Variants in CNNM2 observed in about 807,000 individuals in gnomAD.
CNNM2 encodes the protein cyclin and CBS domain divalent metal cation transport mediator 2.
A neutral mutation model predicts 66.9 loss-of-function variants in CNNM2; 12 were observed. The observed-to-expected ratio is 0.18, with a 90% confidence interval of 0.11 to 0.29. The LOEUF (loss-of-function observed/expected upper bound fraction) is 0.29, where lower values mean the gene tolerates loss of function less well. Among genes scored for constraint, CNNM2 ranks in the 10% least tolerant of loss-of-function variants. The pLI is 1.00. For synonymous variants in CNNM2, 557 were observed against 501.8 expected, an observed-to-expected ratio of 1.11 and a Z score of -1.47; for missense variants, 705 against 1,167.7, an observed-to-expected ratio of 0.60 and a Z score of 5.77.
intron 4 of CNNM2, 132 bp downstream of exon 4, chr10:103,057,096 T>C: frequency 1.2e-6 from 1 of 805,410 alleles, no homozygotes; most frequent in Non-Finnish European, 2.0e-6. Context: ...GGGAGAATTT[T>C]ATCTTCCTGT....
chr10:102,956,535 G>A (rs1314630985), intron 1 of CNNM2, among the ~76,000 whole-genome samples: 3 of 152,110 alleles, frequency 2.0e-5, no homozygotes, highest in African/African-American at 7.2e-5. Flanking sequence ...GTTTATTGTG[G>A]CACTATTCAC....
intron 3 of CNNM2, among the ~76,000 whole-genome samples, chr10:103,056,044 C>T (rs1414934863): frequency 1.3e-5 from 2 of 150,660 alleles, no homozygotes; most frequent in Non-Finnish European, 2.9e-5. Flanking sequence ...GCCGAGATTG[C>T]GTCACTGCAC....
chr10:102,952,456 C>G (rs1164556766), intron 1 of CNNM2, among the ~76,000 whole-genome samples: 1 of 151,698 alleles, frequency 6.6e-6, no homozygotes, highest in Non-Finnish European at 1.5e-5. Context: ...CCCAGCTACT[C>G]GGGAAGCTGA....
intron 1 of CNNM2, among the ~76,000 whole-genome samples, chr10:102,920,839 G>A (rs527788652): frequency 1.3e-5 from 2 of 152,290 alleles, no homozygotes; most frequent in African/African-American, 2.4e-5. Flanking sequence ...TGTATGTCCC[G>A]TAGCCTTCTT....
chr10:103,023,632 A>T (rs1458594573), intron 1 of CNNM2, among the ~76,000 whole-genome samples: 1 of 152,076 alleles, frequency 6.6e-6, no homozygotes, highest in Non-Finnish European at 1.5e-5. Context: ...CACCCCCATG[A>T]TCCAGTACCT....
intron 1 of CNNM2, among the ~76,000 whole-genome samples, chr10:102,945,369 T>G (rs1349752634): frequency 6.6e-6 from 1 of 152,194 alleles, no homozygotes; most frequent in Non-Finnish European, 1.5e-5. Flanking sequence ...TAGTGCTATT[T>G]CCAGCTGCCT....
At chr10:102,947,828 A>C (rs1846674206) in intron 1 of CNNM2, among the ~76,000 whole-genome samples, 3 of 152,038 alleles carry the variant, frequency 2.0e-5, no homozygotes, top group African/African-American at 7.2e-5. Flanking sequence ...AAGGCGGGCA[A>C]ATCACGAGGT....
chr10:102,955,562 G>T (rs971869962), intron 1 of CNNM2, among the ~76,000 whole-genome samples: 1 of 152,186 alleles, frequency 6.6e-6, no homozygotes, highest in African/African-American at 2.4e-5. Context: ...CACAGCCAAA[G>T]AAACTACCAT....
chr10:102,927,605 A>ATACAGAAAAATT, intron 1 of CNNM2: 2 of 690,350 alleles, frequency 2.9e-6, no homozygotes, highest in South Asian at 4.4e-5. Flanking sequence ...TCTAATAAAA[A>ATACAGAAAAATT]TACAGAAAAA....
chr10:103,018,985 C>T (rs989911253), intron 1 of CNNM2, among the ~76,000 whole-genome samples: 10 of 146,842 alleles, frequency 6.8e-5, no homozygotes, highest in African/African-American at 9.9e-5. Flanking sequence ...AGGATATTTA[C>T]GGCCGGGTGC....
intron 1 of CNNM2, among the ~76,000 whole-genome samples, chr10:102,972,433 A>C (rs866565247): frequency 2.2e-4 from 34 of 152,196 alleles, no homozygotes; most frequent in Non-Finnish European, 2.8e-4. Context: ...TCAGGAGATC[A>C]AGACCATCCT....
chr10:102,933,923 C>T (rs1846143080), intron 1 of CNNM2, among the ~76,000 whole-genome samples: 1 of 152,124 alleles, frequency 6.6e-6, no homozygotes, highest in South Asian at 2.1e-4. Context: ...CAGCCTCAAA[C>T]CCTGGGCACA....
chr10:103,028,704 A>AG (rs1396330730), intron 1 of CNNM2, among the ~76,000 whole-genome samples: 3 of 152,084 alleles, frequency 2.0e-5, no homozygotes, highest in Non-Finnish European at 4.4e-5. Flanking sequence ...ATTGTGTCCC[A>AG]GGAAAAAAAA....
intron 2 of CNNM2, among the ~76,000 whole-genome samples, chr10:103,050,769 A>AG (rs1393756312): frequency 3.9e-5 from 6 of 151,960 alleles, no homozygotes; most frequent in Non-Finnish European, 7.4e-5. Flanking sequence ...GAAAGTGGGG[A>AG]GTGGCTTGGA....
At chr10:102,942,882 G>A (rs1317015824) in intron 1 of CNNM2, among the ~76,000 whole-genome samples, 1 of 152,146 alleles carries the variant, frequency 6.6e-6, no homozygotes, top group Admixed American at 6.6e-5. Flanking sequence ...ATTATTTTAA[G>A]TGAAAAGAGC....
intron 1 of CNNM2, among the ~76,000 whole-genome samples, chr10:102,934,559 G>A (rs1846169639): frequency 6.6e-6 from 1 of 152,060 alleles, no homozygotes; most frequent in Admixed American, 6.5e-5. Context: ...GGGATTACAG[G>A]CATGAGCCAC....
At chr10:102,944,764 C>T (rs1846550342) in intron 1 of CNNM2, among the ~76,000 whole-genome samples, 1 of 152,096 alleles carries the variant, frequency 6.6e-6, no homozygotes, top group African/African-American at 2.4e-5. Flanking sequence ...AATTTAATGT[C>T]AGTACAAACA....
intron 1 of CNNM2, among the ~76,000 whole-genome samples, chr10:103,023,560 C>T (rs1182512120): frequency 6.6e-6 from 1 of 152,016 alleles, no homozygotes; most frequent in Non-Finnish European, 1.5e-5. Context: ...CCCTCCCCAT[C>T]CCCACAAAAA....
At chr10:102,931,086 G>T (rs1472495422) in intron 1 of CNNM2, among the ~76,000 whole-genome samples, 1 of 152,118 alleles carries the variant, frequency 6.6e-6, no homozygotes, top group East Asian at 1.9e-4. Context: ...ATTTAGTTTG[G>T]GCATGTTATT....
Sources: allele counts gnomAD v4.1 joint callset (sites outside exome capture counted in the v4.1 genomes callset), GRCh38; gene constraint gnomAD v4.1.1; transcripts MANE v1.5; gene names NCBI Gene and HGNC (gene_info 2026-07-23, HGNC 2026-07-21).